ZFHX3: variants seen among roughly 807,000 people sequenced by gnomAD.
ZFHX3 encodes zinc finger homeobox protein 3.
In ZFHX3, 42 loss-of-function variants were observed where a neutral mutation model predicts 279.1. That is an observed-to-expected ratio of 0.15 (90% confidence interval 0.12 to 0.19). The LOEUF (loss-of-function observed/expected upper bound fraction) is 0.19. Among genes scored for constraint, ZFHX3 ranks in the 10% least tolerant of loss-of-function variants. The probability of loss-of-function intolerance (pLI) is 1.00; values close to 1 mark genes in which losing one functional copy is unlikely to be tolerated. For synonymous variants in ZFHX3, 2,293 were observed against 1,957.8 expected, an observed-to-expected ratio of 1.17 and a Z score of -4.52; for missense variants, 4,981 against 4,754.0, an observed-to-expected ratio of 1.05 and a Z score of -1.40.
At chr16:72,883,871 G>A (rs1181469618) in intron 4 of ZFHX3, among the ~76,000 whole-genome samples, 3 of 151,978 alleles carry the variant, frequency 2.0e-5, no homozygotes, top group Non-Finnish European at 2.9e-5. Context: ...CCCCAAACCC[G>A]GTAAACAAGA....
intron 2 of ZFHX3, among the ~76,000 whole-genome samples, chr16:73,591,489 C>G (rs892915074): frequency 1.3e-5 from 2 of 151,036 alleles, no homozygotes; most frequent in Non-Finnish European, 3.0e-5. Flanking sequence ...GTCAGGAGAT[C>G]GATATCATCG....
At chr16:73,637,843 C>G (rs903195955) in intron 2 of ZFHX3, among the ~76,000 whole-genome samples, 1 of 151,880 alleles carries the variant, frequency 6.6e-6, no homozygotes, top group African/African-American at 2.4e-5. Context: ...TGTGAATCCC[C>G]CACTAGAAAA....
chr16:73,861,508 T>G (rs1961880772), intron 1 of ZFHX3, among the ~76,000 whole-genome samples: 1 of 152,178 alleles, frequency 6.6e-6, no homozygotes, highest in Admixed American at 6.5e-5. Flanking sequence ...TACCTCAGTT[T>G]CCTGGAACTG....
chr16:73,091,457 C>T (rs1043935935), intron 8 of ZFHX3, among the ~76,000 whole-genome samples: 3 of 152,056 alleles, frequency 2.0e-5, no homozygotes, highest in Non-Finnish European at 2.9e-5. Context: ...TTACCTTCCT[C>T]GAAGGCCAGC....
At chr16:73,303,418 T>C (rs2015104508) in intron 4 of ZFHX3, among the ~76,000 whole-genome samples, 2 of 152,240 alleles carry the variant, frequency 1.3e-5, no homozygotes, top group South Asian at 2.1e-4. Context: ...CTCATGCTCC[T>C]ACTTCCTATG....
At chr16:72,860,486 A>G (rs753080622) in intron 4 of ZFHX3, among the ~76,000 whole-genome samples, 1 of 152,208 alleles carries the variant, frequency 6.6e-6, no homozygotes, top group Admixed American at 6.5e-5. Flanking sequence ...GCTGGAATGC[A>G]GTGGCACGAT....
At chr16:72,983,665 C>T (rs1962717750) in intron 1 of ZFHX3, among the ~76,000 whole-genome samples, 2 of 152,060 alleles carry the variant, frequency 1.3e-5, no homozygotes, top group Admixed American at 1.3e-4. Context: ...TATGAACGTG[C>T]CCCTGCACTC....
At chr16:72,982,379 AC>A (rs1327097136) in intron 1 of ZFHX3, among the ~76,000 whole-genome samples, 1 of 152,198 alleles carries the variant, frequency 6.6e-6, no homozygotes, top group Non-Finnish European at 1.5e-5. Context: ...TACAGTTTCT[AC>A]TGTGGTGCTC....
intron 2 of ZFHX3, among the ~76,000 whole-genome samples, chr16:73,672,662 G>C (rs1034713037): frequency 6.6e-6 from 1 of 152,062 alleles, no homozygotes; most frequent in Non-Finnish European, 1.5e-5. Flanking sequence ...CACATGATGA[G>C]AGAATAATAA....
rs1313031657 is a variant in ZFHX3 at position 72,797,808 on chromosome 16, C to T, written c.4874G>A (p.Arg1625Gln). The T allele has an allele frequency of 8.7e-6, 14 of 1,614,044 alleles. No homozygotes were observed. The highest frequency in any genetic ancestry group is 1.1e-5 in the Non-Finnish European group (13 of 1,180,022). The change falls in exon 9 of 10, where the codon CGG becomes CAG. Residue 1625 changes from arginine (R) to glutamine (Q), a missense_variant. This residue lies in a region of ZFHX3 where 1,751 missense variants were observed against 1,770.0 expected (regional missense o/e 0.99). Transcript: ENST00000268489. Reference protein sequence around the residue: ...MRSVLHQTKARAAKLEAASGS... With the variant: ...MRSVLHQTKAQAAKLEAASGS... The stretch of plus-strand genomic sequence containing the variant: ...ACTTGCAGCCTCCAGCTTGGCTGCC[C>T]GGGCCTTGGTTTGATGTAACACAGA...
At chr16:73,641,626 A>G (rs1198454793) in intron 2 of ZFHX3, among the ~76,000 whole-genome samples, 7 of 152,152 alleles carry the variant, frequency 4.6e-5, no homozygotes, top group African/African-American at 1.7e-4. Context: ...GACAGAGTTG[A>G]TTCTTACCTA....
At chr16:72,988,035 G>A (rs1333424920) in intron 1 of ZFHX3, among the ~76,000 whole-genome samples, 1 of 152,114 alleles carries the variant, frequency 6.6e-6, no homozygotes, top group Non-Finnish European at 1.5e-5. Flanking sequence ...AACCTCACTT[G>A]CACATATCTG....
At chr16:72,983,918 A>AC (rs1025681628) in intron 1 of ZFHX3, among the ~76,000 whole-genome samples, 2 of 151,274 alleles carry the variant, frequency 1.3e-5, no homozygotes, top group African/African-American at 4.9e-5. Flanking sequence ...TCTTGCCATT[A>AC]CCCCCCGGCC....
intron 1 of ZFHX3, among the ~76,000 whole-genome samples, chr16:73,731,986 C>G (rs1178229637): frequency 1.4e-4 from 21 of 152,048 alleles, no homozygotes; most frequent in Admixed American, 1.4e-3. Context: ...AAATATGAAC[C>G]CTACTTGGGG....
chr16:73,652,472 A>C (rs1043191051), intron 2 of ZFHX3, among the ~76,000 whole-genome samples: 5 of 152,238 alleles, frequency 3.3e-5, no homozygotes, highest in African/African-American at 9.7e-5. Context: ...TAAAGAAAAT[A>C]AAATTTTTTG....
chr16:73,808,777 A>C (rs964339192), intron 1 of ZFHX3, among the ~76,000 whole-genome samples: 3 of 152,162 alleles, frequency 2.0e-5, no homozygotes, highest in African/African-American at 7.2e-5. Context: ...CTTAGAAGAG[A>C]AAGAATTAAG....
rs138972379 is a variant in ZFHX3 at position 72,922,872 on chromosome 16, C to T, written c.3216+27597G>A. On this transcript the variant is annotated intron_variant, in intron 3 of 9. Transcript: ENST00000268489. Reference sequence around the variant, plus strand: ...GGCTGATACCTGTCAGGGCTGGGGACAGAGCAGACTCTCCCCAGCCTGCTT... The same window carrying T: ...GGCTGATACCTGTCAGGGCTGGGGATAGAGCAGACTCTCCCCAGCCTGCTT... Among the ~76,000 whole-genome samples, 16 of 152,212 alleles carry T rather than the reference C, an allele frequency of 1.1e-4. No individual in the cohort carries two copies. The East Asian group carries it at 2.9e-3, about 28-fold the overall frequency.
intron 5 of ZFHX3, among the ~76,000 whole-genome samples, chr16:73,192,261 G>A (rs1322209886): frequency 6.6e-6 from 1 of 152,108 alleles, no homozygotes; most frequent in African/African-American, 2.4e-5. Flanking sequence ...CGTCTGTTCA[G>A]GATGCTTCTC....
At chr16:72,894,453 C>G (rs1052167911) in intron 3 of ZFHX3, among the ~76,000 whole-genome samples, 1 of 152,196 alleles carries the variant, frequency 6.6e-6, no homozygotes, top group Non-Finnish European at 1.5e-5. Context: ...TCCTCTCTCC[C>G]TTCCTCCCAA....
Sources: allele counts gnomAD v4.1 joint callset (sites outside exome capture counted in the v4.1 genomes callset), GRCh38; gene constraint gnomAD v4.1.1; regional missense constraint gnomAD v4.1.1; transcripts MANE v1.5; gene names NCBI Gene and HGNC (gene_info 2026-07-23, HGNC 2026-07-21).